CSMD1: variants seen among roughly 807,000 people sequenced by gnomAD.
The protein encoded by CSMD1 is CUB and Sushi multiple domains 1.
In CSMD1, 213 loss-of-function variants were observed where a neutral mutation model predicts 417.5. The ratio of observed to expected loss-of-function variants is 0.51; its 90% CI spans 0.46 to 0.57. CSMD1 has a LOEUF of 0.57. CSMD1 is among the 20% of genes least tolerant of loss of function. The probability of loss-of-function intolerance (pLI) is 0.00; values close to 1 mark genes in which losing one functional copy is unlikely to be tolerated. For missense variants in CSMD1, 6,923 were observed against 4,529.7 expected (o/e 1.53, Z -15.17); for synonymous variants, 2,862 against 1,736.8 (o/e 1.65, Z -16.11).
At chr8:4,351,815 C>G (rs968267892) in intron 3 of CSMD1, among the ~76,000 whole-genome samples, 1 of 152,122 alleles carries the variant, frequency 6.6e-6, no homozygotes, top group African/African-American at 2.4e-5. Flanking sequence ...TCAAAAGGAG[C>G]AGAGCAACAC....
At chr8:4,103,903 C>G (rs1037302884) in intron 3 of CSMD1, among the ~76,000 whole-genome samples, 10 of 152,290 alleles carry the variant, frequency 6.6e-5, no homozygotes, top group Middle Eastern at 6.8e-3. Context: ...CTCCAGGTTC[C>G]CAAGGCCAAA....
intron 1 of CSMD1, among the ~76,000 whole-genome samples, chr8:4,790,857 G>T (rs1040072560): frequency 7.9e-5 from 12 of 152,022 alleles, no homozygotes. Flanking sequence ...GACTTAAACG[G>T]AAAACCTAAA....
chr8:3,324,729 C>G (rs765946364), intron 23 of CSMD1, among the ~76,000 whole-genome samples: 1 of 152,188 alleles, frequency 6.6e-6, no homozygotes, highest in Non-Finnish European at 1.5e-5. Context: ...CCCAGAGACC[C>G]AGGACGGGGC....
intron 12 of CSMD1, among the ~76,000 whole-genome samples, chr8:3,460,554 C>G (rs1816433231): frequency 6.6e-6 from 1 of 152,008 alleles, no homozygotes; most frequent in African/African-American, 2.4e-5. Context: ...GTTTCGACCA[C>G]TACAGAGGCC....
At chr8:3,785,226 T>C (rs937157813) in intron 5 of CSMD1, among the ~76,000 whole-genome samples, 5 of 152,228 alleles carry the variant, frequency 3.3e-5, no homozygotes, top group Admixed American at 2.6e-4. Context: ...AATCAATCCA[T>C]CACAGTTTGT....
At position 3,384,717 on chromosome 8, in the gene CSMD1, T is replaced by C. The variant is rs1254103963; in HGVS notation, c.2782+2777A>G. Among the ~76,000 whole-genome samples, 58 of 60,298 alleles carry C rather than the reference T, an allele frequency of 9.6e-4. 1 individual carries two copies. Among genetic ancestry groups the C allele is most frequent in the Non-Finnish European group, 1.5e-3 (49 of 32,836 alleles). The allele number at this position is 60,298 out of a possible 152,430, so 39.6% of individuals were successfully genotyped here. A position where few individuals can be genotyped will look rare whatever the true frequency, so the allele number is the denominator to read the frequency against. On this transcript the variant is annotated intron_variant, in intron 18 of 69. Coordinates refer to ENST00000635120, the MANE Select transcript of CSMD1 (RefSeq NM_033225.6). The stretch of plus-strand genomic sequence containing the variant: ...TATATAAATTATATATAAATATATT[T>C]ATAATATTTATATATATTATATAAA...
intron 2 of CSMD1, among the ~76,000 whole-genome samples, chr8:4,600,358 C>G (rs2617095): frequency 0.84 from 127,843 of 152,116 alleles, 54,072 homozygotes; most frequent in Non-Finnish European, 0.89. Context: ...ACTTAATAAA[C>G]GGTGAAGTTT....
intron 10 of CSMD1, among the ~76,000 whole-genome samples, chr8:3,566,902 T>G (rs1799738232): frequency 1.3e-5 from 2 of 152,222 alleles, no homozygotes; most frequent in South Asian, 2.1e-4. Flanking sequence ...GAAATCCATT[T>G]GCCTCAGCAA....
chr8:3,871,212 A>G (rs1338548853), intron 5 of CSMD1, among the ~76,000 whole-genome samples: 3 of 152,110 alleles, frequency 2.0e-5, no homozygotes, highest in African/African-American at 7.2e-5. Flanking sequence ...ATGTGTACCA[A>G]GGAACTATAT....
intron 1 of CSMD1, among the ~76,000 whole-genome samples, chr8:4,930,547 G>A (rs959424719): frequency 1.3e-5 from 2 of 152,140 alleles, no homozygotes; most frequent in Non-Finnish European, 2.9e-5. Context: ...CCTTGCAGCA[G>A]CATATATTCT....
At chr8:4,769,171 A>G (rs1003801631) in intron 1 of CSMD1, among the ~76,000 whole-genome samples, 2 of 152,200 alleles carry the variant, frequency 1.3e-5, no homozygotes, top group African/African-American at 4.8e-5. Context: ...TTAGCTTTGT[A>G]AGATGTGGCT....
intron 15 of CSMD1, 51 bp from the exon 16 acceptor site, chr8:3,399,580 G>C (rs1811914570): frequency 7.1e-6 from 10 of 1,414,106 alleles, no homozygotes; most frequent in Admixed American, 4.9e-5. Context: ...AGAAGGATAT[G>C]CCATAACAAT....
intron 1 of CSMD1, among the ~76,000 whole-genome samples, chr8:4,903,969 C>A (rs1805067316): frequency 6.6e-6 from 1 of 152,132 alleles, no homozygotes; most frequent in African/African-American, 2.4e-5. Context: ...AATAAATCTT[C>A]TCATAAAGTG....
chr8:4,292,161 C>G (rs1432843633), intron 3 of CSMD1, among the ~76,000 whole-genome samples: 1 of 152,072 alleles, frequency 6.6e-6, no homozygotes, highest in Non-Finnish European at 1.5e-5. Flanking sequence ...CCAGGTGAGC[C>G]CGGTCATAGA....
chr8:3,330,092 C>T lies in CSMD1; in HGVS notation c.3631+13202G>A, dbSNP rs75084726. Reference sequence around the variant, plus strand: ...CCCCATCCCTGGGTGCAGCTCCTCCCAGGTCAAAGCAGGGTAGTGGGTAGA... The same window carrying T: ...CCCCATCCCTGGGTGCAGCTCCTCCTAGGTCAAAGCAGGGTAGTGGGTAGA... On this transcript the variant is annotated intron_variant, in intron 23 of 69. Coordinates refer to ENST00000635120, the MANE Select transcript of CSMD1 (RefSeq NM_033225.6). 1.5e-3 allele frequency among the ~76,000 whole-genome samples: 223 copies of T among 152,226 alleles called. 6 individuals are homozygous for T. The East Asian group carries it at 0.039, about 26-fold the overall frequency.
intron 1 of CSMD1, among the ~76,000 whole-genome samples, chr8:4,704,671 A>T (rs749208939): frequency 3.9e-5 from 6 of 152,166 alleles, no homozygotes; most frequent in Non-Finnish European, 8.8e-5. Flanking sequence ...AAAGAAAACC[A>T]ATTTTTCCAA....
At chr8:4,652,428 C>T (rs1406122730) in intron 1 of CSMD1, among the ~76,000 whole-genome samples, 2 of 151,942 alleles carry the variant, frequency 1.3e-5, no homozygotes, top group African/African-American at 4.8e-5. Context: ...GTGGGAATTT[C>T]CATTTAAAGA....
chr8:4,205,228 A>G (rs1209833041), intron 3 of CSMD1, among the ~76,000 whole-genome samples: 2 of 152,226 alleles, frequency 1.3e-5, no homozygotes, highest in African/African-American at 2.4e-5. Flanking sequence ...GTAGAACTCT[A>G]TTTCAAATAT....
chr8:4,124,083 C>T (rs1210837873), intron 3 of CSMD1, among the ~76,000 whole-genome samples: 2 of 150,902 alleles, frequency 1.3e-5, no homozygotes, highest in Admixed American at 6.6e-5. Flanking sequence ...ACGCACAGAA[C>T]AACGAAGAAA....
Sources: allele counts gnomAD v4.1 joint callset (sites outside exome capture counted in the v4.1 genomes callset), GRCh38; gene constraint gnomAD v4.1.1; transcripts MANE v1.5; gene names NCBI Gene and HGNC (gene_info 2026-07-23, HGNC 2026-07-21).